ANXA3: variants seen among roughly 807,000 people sequenced by gnomAD.
The protein encoded by ANXA3 is annexin A3.
In ANXA3, 46 loss-of-function variants were observed where a neutral mutation model predicts 48.8. That is an observed-to-expected ratio of 0.94 (90% CI 0.74 to 1.21). The LOEUF (loss-of-function observed/expected upper bound fraction) is 1.21. Among genes scored for constraint, ANXA3 ranks in the 50% most tolerant of loss-of-function variants. The probability of loss-of-function intolerance (pLI) is 0.00; values close to 1 mark genes in which losing one functional copy is unlikely to be tolerated. For missense variants in ANXA3, 383 were observed against 378.6 expected (o/e 1.01, Z -0.10); for synonymous variants, 128 against 134.7 (o/e 0.95, Z 0.35).
chr4:78,570,194 C>G (rs1248201902), intron 2 of ANXA3, among the ~76,000 whole-genome samples: 1 of 152,186 alleles, frequency 6.6e-6, no homozygotes, highest in Admixed American at 6.5e-5. Flanking sequence ...CTTTCTTCCC[C>G]CCTTGTAATT....
At chr4:78,595,540 CT>C (rs112477936) in intron 8 of ANXA3, 103 bp downstream of exon 8, 113,739 of 891,594 alleles carry the variant, frequency 0.13, 99 homozygotes, top group South Asian at 0.16. Context: ...AGGGACTTTT[CT>C]TTTTTTTTTT....
At chr4:78,592,289 G>A (rs1337015968) in intron 7 of ANXA3, among the ~76,000 whole-genome samples, 3 of 152,196 alleles carry the variant, frequency 2.0e-5, no homozygotes, top group African/African-American at 4.8e-5. Flanking sequence ...TTAAACCATA[G>A]CTCACCAATT....
chr4:78,558,634 T>C (rs370489189), intron 2 of ANXA3, among the ~76,000 whole-genome samples: 3 of 152,230 alleles, frequency 2.0e-5, no homozygotes, highest in South Asian at 4.1e-4. Context: ...TTATATTCTA[T>C]CTAGGAGTGT....
intron 3 of ANXA3, among the ~76,000 whole-genome samples, chr4:78,577,594 G>C (rs550554614): frequency 6.6e-6 from 1 of 152,312 alleles, no homozygotes; most frequent in South Asian, 2.1e-4. Flanking sequence ...CAGAAAGGCA[G>C]CATCTTTCAT....
chr4:78,566,945 T>C (rs1040821963), intron 2 of ANXA3, among the ~76,000 whole-genome samples: 1 of 152,246 alleles, frequency 6.6e-6, no homozygotes, highest in Non-Finnish European at 1.5e-5. Flanking sequence ...CAGCCTGGCA[T>C]ATCTCAGGGA....
intron 2 of ANXA3, among the ~76,000 whole-genome samples, chr4:78,562,446 G>C (rs1722645555): frequency 6.6e-6 from 1 of 152,188 alleles, no homozygotes; most frequent in Non-Finnish European, 1.5e-5. Flanking sequence ...CATGTGAACA[G>C]GGTTTAAGAA....
chr4:78,579,196 A>G (rs779793235), intron 4 of ANXA3, 75 bp downstream of exon 4: 10 of 975,900 alleles, frequency 1.0e-5, no homozygotes, highest in Non-Finnish European at 1.6e-5. Context: ...GGTTATGCCC[A>G]CAGTCTTCTG....
intron 10 of ANXA3, among the ~76,000 whole-genome samples, chr4:78,599,003 A>G (rs1323171595): frequency 6.6e-6 from 1 of 152,238 alleles, no homozygotes; most frequent in Non-Finnish European, 1.5e-5. Flanking sequence ...CATTTGGGCT[A>G]TAATGCACAT....
At chr4:78,596,626 A>G (rs530539183) in intron 9 of ANXA3, among the ~76,000 whole-genome samples, 138 of 152,372 alleles carry the variant, frequency 9.1e-4, no homozygotes, top group African/African-American at 3.2e-3. Context: ...TTTTGCATTA[A>G]AATCACATTT....
intron 6 of ANXA3, 23 bp from the exon 7 acceptor site, chr4:78,591,521 A>G: frequency 6.4e-7 from 1 of 1,553,328 alleles, no homozygotes. Flanking sequence ...TCAAGGCTTA[A>G]TTTCATTCTG....
intron 5 of ANXA3, among the ~76,000 whole-genome samples, chr4:78,585,740 G>A (rs969516977): frequency 6.6e-6 from 1 of 152,178 alleles, no homozygotes; most frequent in Non-Finnish European, 1.5e-5. Context: ...TGGAGTCACA[G>A]TGTGATTCAG....
Position 78,579,723 on chromosome 4 carries a change from G to A in ANXA3, c.198+602G>A, listed in dbSNP as rs143107055. 8.8e-3 allele frequency among the ~76,000 whole-genome samples: 1,340 copies of A among 152,278 alleles called. 24 individuals carry two copies. The highest frequency in any genetic ancestry group is 0.03 in the African/African-American group (1,251 of 41,552). ...GCGGGTGGATCACCTGAGATCAGGAGTTTGAGACCAGCCTGGCCAACATGG... is the reference window on the plus strand; with the variant it reads ...GCGGGTGGATCACCTGAGATCAGGAATTTGAGACCAGCCTGGCCAACATGG... On this transcript the variant is annotated intron_variant, in intron 4 of 12. Coordinates refer to ENST00000264908, the MANE Select transcript of ANXA3 (RefSeq NM_005139.3).
At chr4:78,605,714 A>T (rs1250739892) in intron 12 of ANXA3, among the ~76,000 whole-genome samples, 2 of 152,234 alleles carry the variant, frequency 1.3e-5, no homozygotes, top group African/African-American at 4.8e-5. Flanking sequence ...TCTCTTTTAA[A>T]GCATGAAACC....
At chr4:78,595,551 T>C in intron 8 of ANXA3, 114 bp downstream of exon 8, 1 of 1,234,434 alleles carries the variant, frequency 8.1e-7, no homozygotes, top group Non-Finnish European at 1.1e-6. Context: ...TTTTTTTTTT[T>C]TTCCTGTTTG....
chr4:78,592,505 A>G (rs965400126), intron 7 of ANXA3, among the ~76,000 whole-genome samples: 1 of 152,208 alleles, frequency 6.6e-6, no homozygotes, highest in Admixed American at 6.5e-5. Context: ...TGCTGCAAAC[A>G]TATGCTCTCA....
intron 6 of ANXA3, 57 bp downstream of exon 6, chr4:78,586,407 C>T: frequency 7.5e-7 from 1 of 1,330,572 alleles, no homozygotes; most frequent in South Asian, 1.2e-5. Context: ...GCCAATGTTG[C>T]TTTTCCTAGA....
chr4:78,604,207 T>C, intron 11 of ANXA3, 70 bp from the exon 12 acceptor site: 1 of 1,405,836 alleles, frequency 7.1e-7, no homozygotes, highest in Non-Finnish European at 9.6e-7. Flanking sequence ...CTGATTCTTA[T>C]AAATATAGAT....
At chr4:78,577,559 G>A (rs1003287777) in intron 3 of ANXA3, among the ~76,000 whole-genome samples, 1 of 152,194 alleles carries the variant, frequency 6.6e-6, no homozygotes, top group African/African-American at 2.4e-5. Flanking sequence ...ATTTAACTAT[G>A]TGTAAGAATA....
intron 2 of ANXA3, among the ~76,000 whole-genome samples, chr4:78,562,593 A>C (rs1317613361): frequency 6.6e-6 from 1 of 152,114 alleles, no homozygotes; most frequent in African/African-American, 2.4e-5. Context: ...TCACTCAACT[A>C]ATATTTACTA....
Sources: gnomAD v4.1 joint callset for allele counts (sites outside exome capture counted in the v4.1 genomes callset) on GRCh38, gnomAD v4.1.1 for gene constraint, MANE v1.5 for transcripts, NCBI Gene and HGNC (gene_info 2026-07-23, HGNC 2026-07-21) for gene names.